Variants in ELMO1 observed in about 807,000 individuals in gnomAD.
The protein encoded by ELMO1 is engulfment and cell motility protein 1.
Under a neutral mutation model 98.9 loss-of-function variants are expected in ELMO1, and 26 were observed. The ratio of observed to expected loss-of-function variants is 0.26; its 90% CI spans 0.19 to 0.36. The LOEUF (loss-of-function observed/expected upper bound fraction) is 0.36. ELMO1 is among the 10% of genes least tolerant of loss of function. The pLI is 1.00. For missense variants in ELMO1, 627 were observed against 935.2 expected (o/e 0.67, Z 4.30); for synonymous variants, 346 against 346.0 (o/e 1.00, Z 0.00).
chr7:37,019,113 A>G (rs1440330725), intron 15 of ELMO1, among the ~76,000 whole-genome samples: 1 of 152,250 alleles, frequency 6.6e-6, no homozygotes, highest in African/African-American at 2.4e-5. Flanking sequence ...ATGTGTAACA[A>G]CGACAAAGGT....
intron 16 of ELMO1, among the ~76,000 whole-genome samples, chr7:36,941,124 C>G (rs552917685): frequency 1.3e-5 from 2 of 152,266 alleles, no homozygotes; most frequent in South Asian, 4.1e-4. Context: ...CACTTCTTAT[C>G]CAGATTGGCT....
intron 14 of ELMO1, among the ~76,000 whole-genome samples, chr7:37,099,610 ATATTT>A (rs1166839423): frequency 6.6e-6 from 1 of 152,210 alleles, no homozygotes; most frequent in East Asian, 1.9e-4. Context: ...CTCTTTCTGC[ATATTT>A]TATTTAAAAA....
At chr7:37,257,234 A>G (rs562073017) in intron 6 of ELMO1, among the ~76,000 whole-genome samples, 2 of 152,314 alleles carry the variant, frequency 1.3e-5, no homozygotes, top group East Asian at 3.9e-4. Flanking sequence ...TTCCTCCCTC[A>G]TGATGGAACT....
chr7:37,011,450 C>T (rs907170813), intron 16 of ELMO1, among the ~76,000 whole-genome samples: 1 of 152,224 alleles, frequency 6.6e-6, no homozygotes, highest in African/African-American at 2.4e-5. Flanking sequence ...TGTCTGAATG[C>T]TCATCCCCAG....
chr7:37,213,031 A>C (rs1223136631), intron 12 of ELMO1, among the ~76,000 whole-genome samples: 2 of 152,190 alleles, frequency 1.3e-5, no homozygotes, highest in Non-Finnish European at 2.9e-5. Flanking sequence ...CTCCAAAGCT[A>C]CTACTATTAA....
chr7:36,997,989 G>A (rs1329750648), intron 16 of ELMO1: 1 of 152,192 alleles, frequency 6.6e-6, no homozygotes, highest in Admixed American at 6.5e-5. Flanking sequence ...AAGTGGAGAT[G>A]TCATTCTCTC....
At chr7:37,040,900 A>G (rs982331888) in intron 15 of ELMO1, among the ~76,000 whole-genome samples, 2 of 151,938 alleles carry the variant, frequency 1.3e-5, no homozygotes, top group East Asian at 3.9e-4. Flanking sequence ...ACAAAGGCAA[A>G]ACCCCGTCTC....
intron 6 of ELMO1, among the ~76,000 whole-genome samples, chr7:37,246,182 C>T (rs755852508): frequency 7.9e-5 from 12 of 151,950 alleles, no homozygotes; most frequent in African/African-American, 1.7e-4. Flanking sequence ...TGAATAAATA[C>T]GTAGGGAAAA....
intron 12 of ELMO1, among the ~76,000 whole-genome samples, chr7:37,212,769 C>G (rs2130440277): frequency 6.6e-6 from 1 of 152,300 alleles, no homozygotes; most frequent in East Asian, 1.9e-4. Flanking sequence ...GCTGTTTCCT[C>G]TCACTCTACC....
chr7:37,020,744 C>A (rs775053751), intron 15 of ELMO1, among the ~76,000 whole-genome samples: 1 of 152,196 alleles, frequency 6.6e-6, no homozygotes, highest in Non-Finnish European at 1.5e-5. Context: ...ACCATGACTT[C>A]ATGAGCTATT....
intron 18 of ELMO1, among the ~76,000 whole-genome samples, chr7:36,886,989 C>T (rs1405527825): frequency 6.6e-6 from 1 of 152,136 alleles, no homozygotes; most frequent in South Asian, 2.1e-4. Flanking sequence ...GCTCCAAGAT[C>T]AAACCAAACA....
chr7:37,206,953 T>C (rs1357094900), intron 13 of ELMO1, among the ~76,000 whole-genome samples: 1 of 151,516 alleles, frequency 6.6e-6, no homozygotes, highest in African/African-American at 2.4e-5. Context: ...ATCAGAAAGA[T>C]GAACTACAGA....
chr7:36,897,434 C>CT (rs201987882), intron 16 of ELMO1, among the ~76,000 whole-genome samples: 3,121 of 145,914 alleles, frequency 0.021, 44 homozygotes, highest in African/African-American at 0.041. Context: ...AGAGCCTTTT[C>CT]TTTTTTTTTT....
intron 14 of ELMO1, among the ~76,000 whole-genome samples, chr7:37,131,599 C>T (rs956042827): frequency 2.0e-4 from 31 of 152,160 alleles, no homozygotes; most frequent in South Asian, 8.3e-4. Context: ...CTCTCCAAGG[C>T]TATACTACAT....
chr7:37,363,009 T>A (rs904440872), intron 1 of ELMO1, among the ~76,000 whole-genome samples: 1 of 152,232 alleles, frequency 6.6e-6, no homozygotes, highest in East Asian at 1.9e-4. Context: ...ACAGCTGCCC[T>A]GGAGGGTCAC....
intron 15 of ELMO1, among the ~76,000 whole-genome samples, chr7:37,036,100 A>G (rs529138289): frequency 1.4e-4 from 22 of 152,288 alleles, no homozygotes; most frequent in Non-Finnish European, 2.5e-4. Context: ...GTATCTACAT[A>G]TGTTTCATGC....
At chr7:37,018,770 C>T (rs1794102778) in intron 15 of ELMO1, among the ~76,000 whole-genome samples, 1 of 152,192 alleles carries the variant, frequency 6.6e-6, no homozygotes, top group Non-Finnish European at 1.5e-5. Context: ...AGCCATCAGG[C>T]ACAGCTAGTT....
At chr7:36,945,757 A>G (rs1352524137) in intron 16 of ELMO1, among the ~76,000 whole-genome samples, 5 of 152,200 alleles carry the variant, frequency 3.3e-5, no homozygotes, top group Non-Finnish European at 2.9e-5. Context: ...AGAGTCCTTG[A>G]CGGTACTATT....
intron 13 of ELMO1, among the ~76,000 whole-genome samples, chr7:37,180,931 C>T (rs1195728274): frequency 2.6e-5 from 4 of 151,936 alleles, no homozygotes; most frequent in Non-Finnish European, 5.9e-5. Flanking sequence ...ATGCAGAGTT[C>T]CTTGTACAAT....
Sources: allele counts gnomAD v4.1 joint callset (sites outside exome capture counted in the v4.1 genomes callset), GRCh38; gene constraint gnomAD v4.1.1; transcripts MANE v1.5; gene names NCBI Gene and HGNC (gene_info 2026-07-23, HGNC 2026-07-21).